TMEM179: variants seen among roughly 807,000 people sequenced by gnomAD.
The protein encoded by TMEM179 is transmembrane protein 179.
In TMEM179, 17 loss-of-function variants were observed where a neutral mutation model predicts 22.2. The ratio of observed to expected loss-of-function variants is 0.77; its 90% CI spans 0.52 to 1.15. TMEM179 has a LOEUF of 1.15. Among genes scored for constraint, TMEM179 ranks in the 50% most tolerant of loss-of-function variants. The pLI is 0.00. For synonymous variants in TMEM179, 127 were observed against 140.5 expected (o/e 0.90, Z 0.68); for missense variants, 265 against 313.6 (o/e 0.84, Z 1.17).
intron 1 of TMEM179, among the ~76,000 whole-genome samples, chr14:104,599,581 G>A (rs900176842): frequency 2.0e-5 from 3 of 152,206 alleles, no homozygotes; most frequent in African/African-American, 7.2e-5. Flanking sequence ...TGGCCTGGGG[G>A]TGCAAATGAG....
intron 1 of TMEM179, among the ~76,000 whole-genome samples, chr14:104,602,833 G>A (rs1887285528): frequency 6.6e-6 from 1 of 152,214 alleles, no homozygotes. Context: ...GAACCTTAGT[G>A]TCGTGGGTTG....
intron 2 of TMEM179, 88 bp downstream of exon 2, chr14:104,596,902 G>T (rs1002667666): frequency 9.3e-5 from 142 of 1,519,442 alleles, no homozygotes; most frequent in Non-Finnish European, 1.2e-4. Flanking sequence ...GATGGGCTTC[G>T]TGAGGGAAGA....
Position 104,595,305 on chromosome 14 carries a change from G to C in TMEM179, c.444-62C>G. On this transcript the variant is annotated intron_variant, in intron 2 of 3. Coordinates refer to ENST00000556573, the MANE Select transcript of TMEM179 (RefSeq NM_001286389.2). This position sits in a 1 kb window ranked among gnomAD's most constrained non-coding sequence, Gnocchi z 5.7. Reference sequence around the variant, plus strand: ...AGGACAGCCAGTGCGGGACATGGCTGAGCCGCTGGCCAGAGAGCCAGGAGC... The same window carrying C: ...AGGACAGCCAGTGCGGGACATGGCTCAGCCGCTGGCCAGAGAGCCAGGAGC... 6.6e-7 allele frequency: 1 copy of C among 1,524,944 alleles called. No individual in the cohort carries two copies. The highest frequency in any genetic ancestry group is 8.9e-7 in the Non-Finnish European group (1 of 1,118,454). The allele number at this position is 1,524,944 out of a possible 1,614,324, so 94.5% of individuals were successfully genotyped here. A position where few individuals can be genotyped will look rare whatever the true frequency, so the allele number is the denominator to read the frequency against.
rs901866876 is a variant in TMEM179 at position 104,591,095 on chromosome 14, T to A, written c.*2384A>T. 7 of 317,734 alleles carry A rather than the reference T, an allele frequency of 2.2e-5. No homozygotes were observed. The highest frequency in any genetic ancestry group is 1.6e-4 in the African/African-American group (7 of 44,120). 19.7% of individuals were successfully genotyped at this position (317,734 alleles called of 1,614,324 possible). A position where few individuals can be genotyped will look rare whatever the true frequency, so the allele number is the denominator to read the frequency against. ...GGCCGCCAGCCCCTGCCCAGCACACTGCAGGCCCAGCTGCCCCTTCCCAGG... is the reference window on the plus strand; with the variant it reads ...GGCCGCCAGCCCCTGCCCAGCACACAGCAGGCCCAGCTGCCCCTTCCCAGG... On this transcript the variant is annotated 3_prime_UTR_variant, in exon 4 of 4. Coordinates refer to ENST00000556573, the MANE Select transcript of TMEM179 (RefSeq NM_001286389.2).
rs181786829 is a variant in TMEM179, at chr14:104,604,104, C to T, written c.305+333G>A. ...GTCGCCGGTCCTGGCGAGTGTGGCCCGGCTGAGCCCGCCCAGGAAGGTCCA... is the reference window on the plus strand; with the variant it reads ...GTCGCCGGTCCTGGCGAGTGTGGCCTGGCTGAGCCCGCCCAGGAAGGTCCA... On this transcript the variant is annotated intron_variant, in intron 1 of 3. Coordinates refer to ENST00000556573, the MANE Select transcript of TMEM179 (RefSeq NM_001286389.2). The surrounding 1 kb of genome is among the most constrained non-coding windows in gnomAD (Gnocchi z 4.6). Among the ~76,000 whole-genome samples, 6 of 152,336 alleles carry T rather than the reference C, an allele frequency of 3.9e-5. No homozygotes were observed. The highest frequency in any genetic ancestry group is 2.6e-4 in the Admixed American group (4 of 15,312).
rs1435524878 is a variant in TMEM179, at chr14:104,591,598, G to A, written c.*1881C>T. 5.6e-6 allele frequency: 2 copies of A among 359,584 alleles called. No individual in the cohort carries two copies. Among genetic ancestry groups the A allele is most frequent in the Non-Finnish European group, 1.1e-5 (2 of 182,862 alleles). 22.3% of individuals were successfully genotyped at this position (359,584 alleles called of 1,614,324 possible). A position where few individuals can be genotyped will look rare whatever the true frequency, so the allele number is the denominator to read the frequency against. On this transcript the variant is annotated 3_prime_UTR_variant, in exon 4 of 4. Transcript: ENST00000556573. ...AGCTTCCAGAGCCTCGATCCCCCTG[G>A]ACTTGACACCCCCGATGGGCACCTG...
chr14:104,596,014 C>T (rs188891941), intron 2 of TMEM179, among the ~76,000 whole-genome samples: 11 of 152,318 alleles, frequency 7.2e-5, no homozygotes, highest in Non-Finnish European at 1.3e-4. Flanking sequence ...GCAGGTGGCC[C>T]GAGCCAGCAG....
rs2140502402 is a variant in TMEM179, at chr14:104,604,305, G to A, written c.305+132C>T. The A allele has an allele frequency of 9.9e-7, 1 of 1,008,148 alleles. No homozygotes were observed. The highest frequency in any genetic ancestry group is 1.8e-5 in the South Asian group (1 of 56,544). The allele number at this position is 1,008,148 out of a possible 1,614,324, so 62.5% of individuals were successfully genotyped here. A position where few individuals can be genotyped will look rare whatever the true frequency, so the allele number is the denominator to read the frequency against. ...GGCGGTCTGAGTGGAGGGGGTGAGG[G>A]CGGATTGTTGACATTTGCGGGCCTC... On this transcript the variant is annotated intron_variant, in intron 1 of 3. Transcript: ENST00000556573. The surrounding 1 kb of genome is among the most constrained non-coding windows in gnomAD (Gnocchi z 4.6).
chr14:104,592,233 T>C lies in TMEM179; in HGVS notation c.*1246A>G, dbSNP rs763279306. ...GCACTTACGCACATGCTGCACACACTGCAGACACACCTGCCTAGACACTCA... is the reference window on the plus strand; with the variant it reads ...GCACTTACGCACATGCTGCACACACCGCAGACACACCTGCCTAGACACTCA... On this transcript the variant is annotated 3_prime_UTR_variant, in exon 4 of 4. Coordinates refer to ENST00000556573, the MANE Select transcript of TMEM179 (RefSeq NM_001286389.2). The C allele has an allele frequency of 6.5e-6, 1 of 154,058 alleles. No homozygotes were observed. The highest frequency in any genetic ancestry group is 1.4e-5 in the Non-Finnish European group (1 of 69,190). The allele number at this position is 154,058 out of a possible 1,614,324, so 9.5% of individuals were successfully genotyped here.
chr14:104,600,674 A>G (rs1887208687), intron 1 of TMEM179, among the ~76,000 whole-genome samples: 2 of 152,210 alleles, frequency 1.3e-5, no homozygotes, highest in Admixed American at 1.3e-4. Flanking sequence ...TGGAGCATCA[A>G]GATGACACTC....
intron 3 of TMEM179, chr14:104,594,078 T>C (rs1566742104): frequency 8.1e-7 from 1 of 1,233,668 alleles, no homozygotes; most frequent in Admixed American, 4.1e-5. Context: ...CTTTAGCCGC[T>C]GTTTCCAAAC....
chr14:104,599,268 C>T (rs1359580484), intron 1 of TMEM179, among the ~76,000 whole-genome samples: 3 of 147,782 alleles, frequency 2.0e-5, no homozygotes, highest in Admixed American at 6.7e-5. Context: ...AAGGTGTGGA[C>T]CATGGCAATG....
At position 104,591,785 on chromosome 14, in the gene TMEM179, C is replaced by T. The variant is rs949503124; in HGVS notation, c.*1694G>A. ...ATGAACTCAGGGAGCCAGGGGCTCG[C>T]CTCTCCCCGGGAAGGTGGGCGCAGC... On this transcript the variant is annotated 3_prime_UTR_variant, in exon 4 of 4. Coordinates refer to ENST00000556573, the MANE Select transcript of TMEM179 (RefSeq NM_001286389.2). The T allele has an allele frequency of 9.4e-6, 2 of 212,206 alleles. No individual in the cohort carries two copies. The highest frequency in any genetic ancestry group is 1.9e-5 in the Non-Finnish European group (2 of 104,460). 13.1% of individuals were successfully genotyped at this position (212,206 alleles called of 1,614,324 possible).
chr14:104,600,291 G>C (rs750919726), intron 1 of TMEM179, among the ~76,000 whole-genome samples: 101 of 152,240 alleles, frequency 6.6e-4, no homozygotes, highest in Non-Finnish European at 1.3e-3. Flanking sequence ...GCACATGCAG[G>C]GTTAACCCTG....
Position 104,591,590 on chromosome 14 carries a change from T to G in TMEM179, c.*1889A>C, listed in dbSNP as rs1285064529. On this transcript the variant is annotated 3_prime_UTR_variant, in exon 4 of 4. Transcript: ENST00000556573. Reference sequence around the variant, plus strand: ...CCCCCTTGAGCTTCCAGAGCCTCGATCCCCCTGGACTTGACACCCCCGATG... The same window carrying G: ...CCCCCTTGAGCTTCCAGAGCCTCGAGCCCCCTGGACTTGACACCCCCGATG... 13 of 365,546 alleles carry G rather than the reference T, an allele frequency of 3.6e-5. No individual in the cohort carries two copies. Among genetic ancestry groups the G allele is most frequent in the Non-Finnish European group, 7.0e-5 (13 of 185,812 alleles). The allele number at this position is 365,546 out of a possible 1,614,324, so 22.6% of individuals were successfully genotyped here.
chr14:104,596,320 CTG>C (rs1419840865), intron 2 of TMEM179, among the ~76,000 whole-genome samples: 2 of 152,196 alleles, frequency 1.3e-5, no homozygotes, highest in Non-Finnish European at 2.9e-5. Flanking sequence ...GGGCATCCCA[CTG>C]TGGGGGGCAG....
In TMEM179 at chr14:104,596,841, A is replaced by G. The variant is rs562564950; in HGVS notation, c.443+149T>C. 1.8e-5 allele frequency: 18 copies of G among 1,010,300 alleles called. No homozygotes were observed. In the African/African-American group the frequency reaches 2.7e-4, roughly 15 times the overall value. 62.6% of individuals were successfully genotyped at this position (1,010,300 alleles called of 1,614,324 possible). On this transcript the variant is annotated intron_variant, in intron 2 of 3. Coordinates refer to ENST00000556573, the MANE Select transcript of TMEM179 (RefSeq NM_001286389.2). ...GTCTCAGGGAAGGGGCTGCACAGGT[A>G]TGCACAGGCAGGGGCACAGTGCACA...
At position 104,595,134 on chromosome 14, in the gene TMEM179, C is replaced by A. The variant is rs943712034; in HGVS notation, c.522+31G>T. On this transcript the variant is annotated intron_variant, in intron 3 of 3. Transcript: ENST00000556573. This position sits in a 1 kb window ranked among gnomAD's most constrained non-coding sequence, Gnocchi z 5.7. ...AGTAAATGGCCCCCTCCCAGCATTG[C>A]AAGCCTCCCTTCTTGCCCAGAGCCC... 1.2e-6 allele frequency: 2 copies of A among 1,613,366 alleles called. No individual in the cohort carries two copies. The highest frequency in any genetic ancestry group is 1.7e-6 in the Non-Finnish European group (2 of 1,179,840).
rs1338296242 is a variant in TMEM179 at position 104,593,599 on chromosome 14, C to T, written c.582G>A (p.Lys194=). 5 of 1,513,634 alleles carry T rather than the reference C, an allele frequency of 3.3e-6. No individual in the cohort carries two copies. Among genetic ancestry groups the T allele is most frequent in the Non-Finnish European group, 4.4e-6 (5 of 1,132,804 alleles). The allele number at this position is 1,513,634 out of a possible 1,614,324, so 93.8% of individuals were successfully genotyped here. The change falls in exon 4 of 4, where the codon AAG becomes AAA. Residue 194 remains lysine (K), a synonymous_variant. Transcript: ENST00000556573. ...CCTCCTGACGGTAGTTGTGGTAGAC[C>T]TTCAGGAAGGCCAGCGTGGTGATGG... ...WLAITTLAFL[K]VYHNYRQEDL...
Sources: gnomAD v4.1 joint callset for allele counts (sites outside exome capture counted in the v4.1 genomes callset) on GRCh38, gnomAD v4.1.1 for gene constraint, Gnocchi (gnomAD v3.1) non-coding constraint, MANE v1.5 for transcripts, NCBI Gene and HGNC (gene_info 2026-07-23, HGNC 2026-07-21) for gene names.